The following SLC1A3 variants were observed in gnomAD, a reference collection of about 807,000 sequenced individuals.
The protein encoded by SLC1A3 is solute carrier family 1 member 3.
A neutral mutation model predicts 48.1 loss-of-function variants in SLC1A3; 21 were observed. That is an observed-to-expected ratio of 0.44 (90% CI 0.31 to 0.63). The LOEUF is 0.63. SLC1A3 is among the 20% of genes least tolerant of loss of function. SLC1A3 has a pLI of 0.08. For missense variants in SLC1A3, 546 were observed against 689.0 expected, an observed-to-expected ratio of 0.79 and a Z score of 2.32; for synonymous variants, 239 against 251.4, an observed-to-expected ratio of 0.95 and a Z score of 0.47.
intron 3 of SLC1A3, among the ~76,000 whole-genome samples, chr5:36,664,353 G>A (rs1197892017): frequency 6.6e-6 from 1 of 151,986 alleles, no homozygotes; most frequent in Non-Finnish European, 1.5e-5. Flanking sequence ...GGCTGGTCTC[G>A]AACTCCTGAC....
chr5:36,614,610 C>T (rs1256125377), intron 2 of SLC1A3, among the ~76,000 whole-genome samples: 1 of 152,156 alleles, frequency 6.6e-6, no homozygotes, highest in Non-Finnish European at 1.5e-5. Context: ...ACAGTAGACG[C>T]CTCTCTCAGG....
At chr5:36,629,425 T>C in intron 2 of SLC1A3, 25 bp from the exon 3 acceptor site, 3 of 1,596,452 alleles carry the variant, frequency 1.9e-6, no homozygotes, top group East Asian at 4.5e-5. Context: ...ATTTTTCTTT[T>C]TCTTTTTTTT....
chr5:36,599,263 G>A (rs1305250875), intron 1 of SLC1A3, among the ~76,000 whole-genome samples: 1 of 152,176 alleles, frequency 6.6e-6, no homozygotes, highest in Non-Finnish European at 1.5e-5. Flanking sequence ...TCTGAAAATG[G>A]TTAGGACTGG....
intron 3 of SLC1A3, among the ~76,000 whole-genome samples, chr5:36,638,594 C>T (rs564149419): frequency 2.0e-5 from 3 of 152,250 alleles, no homozygotes; most frequent in East Asian, 3.9e-4. Context: ...TCCACTAGGA[C>T]CATGTTTGAT....
intron 5 of SLC1A3, among the ~76,000 whole-genome samples, chr5:36,675,714 G>A (rs531829852): frequency 1.3e-5 from 2 of 152,292 alleles, no homozygotes; most frequent in East Asian, 3.9e-4. Flanking sequence ...ATAGATGAAT[G>A]GGGCCAATTT....
At chr5:36,680,069 T>C (rs1742374300) in intron 7 of SLC1A3, among the ~76,000 whole-genome samples, 1 of 152,218 alleles carries the variant, frequency 6.6e-6, no homozygotes, top group African/African-American at 2.4e-5. Flanking sequence ...GGAAATCAAC[T>C]ATCCTTTCCC....
chr5:36,671,343 G>T, intron 4 of SLC1A3, 110 bp downstream of exon 4: 1 of 766,976 alleles, frequency 1.3e-6, no homozygotes. Context: ...GCCTTGCCAG[G>T]CTTGAAATGA....
intron 8 of SLC1A3, among the ~76,000 whole-genome samples, chr5:36,682,717 T>C (rs190053637): frequency 6.6e-6 from 1 of 152,302 alleles, no homozygotes; most frequent in East Asian, 1.9e-4. Context: ...CCCCCAGATT[T>C]TAGTCAGTCG....
At chr5:36,662,583 G>T (rs2111891076) in intron 3 of SLC1A3, among the ~76,000 whole-genome samples, 1 of 152,312 alleles carries the variant, frequency 6.6e-6, no homozygotes, top group South Asian at 2.1e-4. Flanking sequence ...AAAGCATATT[G>T]TGCGGCACAT....
At chr5:36,625,833 G>A (rs1294101934) in intron 2 of SLC1A3, among the ~76,000 whole-genome samples, 2 of 152,200 alleles carry the variant, frequency 1.3e-5, no homozygotes, top group Admixed American at 1.3e-4. Context: ...TTTAGACAAT[G>A]TAGGTGTTGT....
rs146861711 is a variant in SLC1A3, at chr5:36,649,513, G to A, written c.319+19926G>A. On this transcript the variant is annotated intron_variant, in intron 3 of 9. Transcript: ENST00000265113. Reference sequence around the variant, plus strand: ...CTAAGATTAAAAAGTGACATAAAGCGTAGGACTGCAGCCTTTCTATAGTTT... The same window carrying A: ...CTAAGATTAAAAAGTGACATAAAGCATAGGACTGCAGCCTTTCTATAGTTT... 3.6e-3 allele frequency among the ~76,000 whole-genome samples: 542 copies of A among 152,284 alleles called. 4 individuals carry two copies. The highest frequency in any genetic ancestry group is 0.012 in the African/African-American group (510 of 41,548).
Position 36,677,288 on chromosome 5 carries a change from A to G in SLC1A3, c.860+104A>G, listed in dbSNP as rs954543119. 8.4e-6 allele frequency: 8 copies of G among 952,316 alleles called. No individual in the cohort carries two copies. The African/African-American group carries it at 1.3e-4, about 15-fold the overall frequency. The allele number at this position is 952,316 out of a possible 1,614,324, so 59.0% of individuals were successfully genotyped here. On this transcript the variant is annotated intron_variant, in intron 6 of 9. Coordinates refer to ENST00000265113, the MANE Select transcript of SLC1A3 (RefSeq NM_004172.5). ...GCCACGAGGCAGGATGGCCAATTGC[A>G]GTTATCTCACTCTGGTAAGCCCAGG...
intron 2 of SLC1A3, among the ~76,000 whole-genome samples, chr5:36,628,196 A>G (rs896803693): frequency 6.6e-6 from 1 of 152,178 alleles, no homozygotes; most frequent in African/African-American, 2.4e-5. Flanking sequence ...AGCCACGTAG[A>G]TTAAGATTCT....
upstream of SLC1A3, among the ~76,000 whole-genome samples, chr5:36,606,115 A>G (rs908328336): frequency 1.3e-5 from 2 of 152,260 alleles, no homozygotes; most frequent in Non-Finnish European, 2.9e-5. Flanking sequence ...AGAGAATCGT[A>G]GTAAGCATTA....
chr5:36,627,200 A>T (rs1456422574), intron 2 of SLC1A3, among the ~76,000 whole-genome samples: 3 of 152,144 alleles, frequency 2.0e-5, no homozygotes, highest in Non-Finnish European at 4.4e-5. Context: ...AACGATTAGG[A>T]TTGAATAGAT....
intron 1 of SLC1A3, 148 bp from the exon 2 acceptor site, chr5:36,608,181 C>A: frequency 1.9e-6 from 1 of 514,210 alleles, no homozygotes; most frequent in East Asian, 3.1e-5. Flanking sequence ...AATATGCACA[C>A]TGCAACCTTG....
intron 3 of SLC1A3, among the ~76,000 whole-genome samples, chr5:36,640,051 G>T (rs1484307557): frequency 6.6e-6 from 1 of 152,088 alleles, no homozygotes; most frequent in Non-Finnish European, 1.5e-5. Flanking sequence ...CTGGGGGAAG[G>T]GTCTATATCC....
At chr5:36,656,831 C>G (rs1741304749) in intron 3 of SLC1A3, among the ~76,000 whole-genome samples, 1 of 152,126 alleles carries the variant, frequency 6.6e-6, no homozygotes, top group Non-Finnish European at 1.5e-5. Flanking sequence ...CAATGTAAAC[C>G]ATCGTGTATT....
intron 4 of SLC1A3, among the ~76,000 whole-genome samples, chr5:36,672,689 C>A (rs965877025): frequency 4.6e-5 from 7 of 152,104 alleles, no homozygotes; most frequent in Non-Finnish European, 2.9e-5. Context: ...GACTTTGCAC[C>A]ATCTCTATGT....
Sources: allele counts gnomAD v4.1 joint callset (sites outside exome capture counted in the v4.1 genomes callset), GRCh38; gene constraint gnomAD v4.1.1; transcripts MANE v1.5; gene names NCBI Gene and HGNC (gene_info 2026-07-23, HGNC 2026-07-21).